Variants in TRDN observed in about 807,000 individuals in gnomAD.
The protein encoded by TRDN is triadin in skeletal muscle.
TRDN carries 161 observed loss-of-function variants against 149.7 expected under a neutral mutation model. That is an observed-to-expected ratio of 1.08 (90% confidence interval 0.95 to 1.23). The LOEUF (loss-of-function observed/expected upper bound fraction) is 1.23, where lower values mean the gene tolerates loss of function less well. TRDN is among the 50% of genes most tolerant of loss of function. The probability of loss-of-function intolerance (pLI) is 0.00; values close to 1 mark genes in which losing one functional copy is unlikely to be tolerated. For missense variants in TRDN, 896 were observed against 823.5 expected (o/e 1.09, Z -1.08); for synonymous variants, 294 against 250.5 (o/e 1.17, Z -1.64).
intron 13 of TRDN, chr6:123,389,429 C>T (rs978385935): frequency 6.6e-6 from 1 of 152,184 alleles, no homozygotes; most frequent in Non-Finnish European, 1.5e-5. Context: ...TTAGAAACAA[C>T]TGCTATGGAC....
In TRDN at chr6:123,585,127, A is replaced by G. The variant is rs551906421; in HGVS notation, c.23-13995T>C. 8.1e-4 allele frequency among the ~76,000 whole-genome samples: 115 copies of G among 141,866 alleles called. 1 individual carries two copies. Among genetic ancestry groups the G allele is most frequent in the Non-Finnish European group, 1.2e-3 (79 of 63,562 alleles). 93.1% of individuals were successfully genotyped at this position (141,866 alleles called of 152,430 possible). A position where few individuals can be genotyped will look rare whatever the true frequency, so the allele number is the denominator to read the frequency against. On this transcript the variant is annotated intron_variant, in intron 1 of 40. Coordinates refer to ENST00000334268, the MANE Select transcript of TRDN (RefSeq NM_006073.4). ...GCCAAGGAGGGAGTAGAGGTATCTT[A>G]TACTTGTGGGTTAAGGTGGGGGAAT... is the stretch of plus-strand genomic sequence containing the variant.
chr6:123,377,931 C>A, intron 16 of TRDN, 33 bp from the exon 17 acceptor site: 2 of 1,369,020 alleles, frequency 1.5e-6, no homozygotes, highest in South Asian at 1.4e-5. Flanking sequence ...TTATTATTAT[C>A]GTTATTATTC....
At chr6:123,251,157 T>A (rs1432149471) in intron 38 of TRDN, among the ~76,000 whole-genome samples, 1 of 152,148 alleles carries the variant, frequency 6.6e-6, no homozygotes, top group Non-Finnish European at 1.5e-5. Flanking sequence ...TTTTGTGTCC[T>A]TACAATATCT....
At chr6:123,255,933 T>A (rs574364714) in intron 35 of TRDN, 31 bp from the exon 36 acceptor site, 2 of 1,185,506 alleles carry the variant, frequency 1.7e-6, no homozygotes, top group Admixed American at 4.2e-5. Flanking sequence ...CAGGGTAATT[T>A]ATTTTTTTAT....
chr6:123,426,502 C>T (rs1774123610), intron 12 of TRDN, among the ~76,000 whole-genome samples: 1 of 152,114 alleles, frequency 6.6e-6, no homozygotes, highest in Non-Finnish European at 1.5e-5. Context: ...AGTGTCTATA[C>T]ATATTTTTAG....
At chr6:123,327,253 C>T (rs753470335) in intron 23 of TRDN, among the ~76,000 whole-genome samples, 8 of 151,976 alleles carry the variant, frequency 5.3e-5, no homozygotes, top group South Asian at 2.1e-4. Flanking sequence ...CGTACTATTT[C>T]CATATCATTT....
chr6:123,493,235 G>A (rs10223415), intron 9 of TRDN, among the ~76,000 whole-genome samples: 1 of 152,172 alleles, frequency 6.6e-6, no homozygotes, highest in South Asian at 2.1e-4. Flanking sequence ...GAGTAAGTCA[G>A]TACAAGAGAA....
chr6:123,378,879 G>A (rs1008550838), intron 16 of TRDN, among the ~76,000 whole-genome samples: 11 of 152,036 alleles, frequency 7.2e-5, no homozygotes, highest in Admixed American at 2.6e-4. Context: ...AATATTGTAT[G>A]AGACAAAGCA....
intron 9 of TRDN, among the ~76,000 whole-genome samples, chr6:123,477,550 C>T (rs555712051): frequency 1.0e-3 from 150 of 148,592 alleles, no homozygotes; most frequent in African/African-American, 3.6e-3. Context: ...CCCAGCCATC[C>T]CATTACTGGG....
chr6:123,309,230 C>A (rs1029814811), intron 24 of TRDN, among the ~76,000 whole-genome samples: 5 of 151,876 alleles, frequency 3.3e-5, no homozygotes, highest in African/African-American at 7.2e-5. Context: ...ATTTAAACAG[C>A]CATCTTCTTA....
intron 38 of TRDN, among the ~76,000 whole-genome samples, chr6:123,245,446 T>C (rs1776137360): frequency 6.6e-6 from 1 of 152,132 alleles, no homozygotes; most frequent in African/African-American, 2.4e-5. Flanking sequence ...TAGCAAATCC[T>C]AGTCTCTGAT....
chr6:123,508,016 A>G (rs915827757), intron 7 of TRDN, among the ~76,000 whole-genome samples: 33 of 151,558 alleles, frequency 2.2e-4, no homozygotes, highest in African/African-American at 7.5e-4. Flanking sequence ...CGCCACTGTA[A>G]CTGCCTCTTC....
At chr6:123,233,393 A>G (rs1775679456) in intron 38 of TRDN, among the ~76,000 whole-genome samples, 1 of 152,106 alleles carries the variant, frequency 6.6e-6, no homozygotes, top group Non-Finnish European at 1.5e-5. Context: ...ATGCAGGGAA[A>G]TTTCACATTT....
At chr6:123,272,410 C>T (rs1297184705) in intron 29 of TRDN, among the ~76,000 whole-genome samples, 1 of 151,358 alleles carries the variant, frequency 6.6e-6, no homozygotes, top group East Asian at 1.9e-4. Flanking sequence ...AATTCATAAC[C>T]TTGTTTTGAT....
intron 11 of TRDN, 85 bp downstream of exon 11, chr6:123,438,859 T>C (rs927883827): frequency 9.1e-7 from 1 of 1,094,682 alleles, no homozygotes; most frequent in African/African-American, 1.6e-5. Flanking sequence ...AGGGAATTTC[T>C]TTCCTAGAAA....
At chr6:123,475,371 CT>C (rs1317229592) in intron 9 of TRDN, among the ~76,000 whole-genome samples, 1 of 144,530 alleles carries the variant, frequency 6.9e-6, no homozygotes. Context: ...GAAGTTGAAT[CT>C]CTGAATAGAC....
chr6:123,363,890 T>C (rs1780989710), intron 20 of TRDN, among the ~76,000 whole-genome samples: 1 of 152,214 alleles, frequency 6.6e-6, no homozygotes, highest in Non-Finnish European at 1.5e-5. Flanking sequence ...GGTTTCTCTG[T>C]ACATAGTGAA....
At chr6:123,582,863 T>TA (rs144294178) in intron 1 of TRDN, among the ~76,000 whole-genome samples, 136,428 of 151,574 alleles carry the variant, frequency 0.9, 61,551 homozygotes, top group East Asian at 1. Flanking sequence ...TGAGTGGGAT[T>TA]GGGGGGGCGT....
chr6:123,377,645 TG>T lies in TRDN; in HGVS notation c.1246+70del, dbSNP rs557224862. On this transcript the variant is annotated intron_variant, in intron 18 of 40. Transcript: ENST00000334268. Reference sequence around the variant, plus strand: ...CCTTTACTGGCGCTGCCTTACCACCTGTTTGAGGCTACAGCATTAATAAACA... The same window carrying T: ...CCTTTACTGGCGCTGCCTTACCACCTTTTGAGGCTACAGCATTAATAAACA... 254 of 1,571,954 alleles carry T rather than the reference TG, an allele frequency of 1.6e-4. 2 individuals carry two copies. Among genetic ancestry groups the T allele is most frequent in the South Asian group, 1.3e-3 (111 of 87,818 alleles).
Sources: allele counts gnomAD v4.1 joint callset (sites outside exome capture counted in the v4.1 genomes callset), GRCh38; gene constraint gnomAD v4.1.1; transcripts MANE v1.5; gene names NCBI Gene and HGNC (gene_info 2026-07-23, HGNC 2026-07-21).